Variants in GGT5 observed in about 807,000 individuals in gnomAD.
The protein encoded by GGT5 is gamma-glutamyltransferase 5, also known as glutathione hydrolase 5 proenzyme.
Under a neutral mutation model 58.1 loss-of-function variants are expected in GGT5, and 50 were observed. That is an observed-to-expected ratio of 0.86 (90% CI 0.69 to 1.09). GGT5 has a LOEUF of 1.09. GGT5 is among the 50% of genes least tolerant of loss of function. GGT5 has a pLI of 0.00. For synonymous variants in GGT5, 370 were observed against 346.1 expected, an observed-to-expected ratio of 1.07 and a Z score of -0.77; for missense variants, 800 against 789.4, an observed-to-expected ratio of 1.01 and a Z score of -0.16.
At chr22:24,222,052 A>G (rs1165372367) in intron 11 of GGT5, among the ~76,000 whole-genome samples, 1 of 151,944 alleles carries the variant, frequency 6.6e-6, no homozygotes, top group African/African-American at 2.4e-5. Context: ...GGTGGCACAC[A>G]CTTGTAATCC....
intron 1 of GGT5, among the ~76,000 whole-genome samples, chr22:24,236,389 C>T (rs5760270): frequency 0.12 from 18,811 of 152,176 alleles, 1,385 homozygotes; most frequent in East Asian, 0.26. Flanking sequence ...GTCCAAGCCA[C>T]CAACCTCTCT....
At chr22:24,242,398 A>T (rs1287312862) in intron 1 of GGT5, 2 of 152,060 alleles carry the variant, frequency 1.3e-5, no homozygotes, top group Non-Finnish European at 2.9e-5. Context: ...AGAGTTGGAG[A>T]CCATCCTGGC....
intron 6 of GGT5, 56 bp from the exon 7 acceptor site, chr22:24,226,823 T>C: frequency 6.8e-7 from 1 of 1,478,048 alleles, no homozygotes; most frequent in Non-Finnish European, 9.4e-7. Flanking sequence ...ATGGGTTGAA[T>C]GTTGCCCCCA....
At chr22:24,232,234 T>A (rs1279548345) in intron 4 of GGT5, 26 bp from the exon 5 acceptor site, 7 of 961,514 alleles carry the variant, frequency 7.3e-6, no homozygotes, top group African/African-American at 1.7e-5. Context: ...AGCCTCAGGG[T>A]GGGGCCAGGT....
intron 6 of GGT5, among the ~76,000 whole-genome samples, chr22:24,229,480 A>T (rs1412615871): frequency 1.3e-5 from 2 of 151,956 alleles, no homozygotes; most frequent in African/African-American, 4.8e-5. Context: ...GGGATAAAAG[A>T]CTACACACTA....
At chr22:24,223,137 C>T (rs570274225) in intron 11 of GGT5, among the ~76,000 whole-genome samples, 44 of 151,228 alleles carry the variant, frequency 2.9e-4, no homozygotes, top group Non-Finnish European at 5.6e-4. Flanking sequence ...CACAGTGGCT[C>T]ATGCCTATAA....
rs1195065112 is a variant in GGT5, at chr22:24,238,777, AT to A, written c.174-4774del. 5.3e-3 allele frequency among the ~76,000 whole-genome samples: 157 copies of A among 29,520 alleles called. 11 individuals are homozygous for A. The highest frequency in any genetic ancestry group is 0.015 in the Admixed American group (19 of 1,250). The allele number at this position is 29,520 out of a possible 152,430, so 19.4% of individuals were successfully genotyped here. A position where few individuals can be genotyped will look rare whatever the true frequency, so the allele number is the denominator to read the frequency against. On this transcript the variant is annotated intron_variant, in intron 1 of 11. Coordinates refer to ENST00000327365, the MANE Select transcript of GGT5 (RefSeq NM_004121.5). ...ATATATGGAATATATATATATATAT[AT>A]AATATATATTATATATTTATATATA...
chr22:24,244,650 C>A lies in GGT5; in HGVS notation c.76G>T (p.Ala26Ser), dbSNP rs753032144. ...GCCTGGTGTCGAGAGAGGACCACAG[C>A]CAGCACAATGACAGCCAGCGCCAGC... The part of the protein sequence containing the change: ...LGLALAVIVL[A>S]VVLSRHQAPC... Residue 26 changes from alanine (A) to serine (S), a missense_variant, in exon 1 of 12, where the codon GCT (alanine) becomes TCT (serine). By Grantham distance (99) the Ala-to-Ser change is moderately conservative. Transcript: ENST00000327365. 4.3e-6 allele frequency: 7 copies of A among 1,612,780 alleles called. No individual in the cohort carries two copies. The East Asian group carries it at 1.3e-4, about 31-fold the overall frequency.
chr22:24,225,753 C>G (rs1014620904), intron 8 of GGT5, 101 bp from the exon 9 acceptor site: 31 of 765,206 alleles, frequency 4.1e-5, no homozygotes, highest in Non-Finnish European at 6.5e-5. Context: ...TTTACAGCTG[C>G]CCCGAAGCAT....
intron 1 of GGT5, among the ~76,000 whole-genome samples, chr22:24,238,784 AT>A (rs1569371154): frequency 3.8e-3 from 79 of 20,574 alleles, no homozygotes; most frequent in Non-Finnish European, 5.1e-3. Flanking sequence ...TATATAATAT[AT>A]ATTATATATT....
chr22:24,231,059 G>A (rs372239217), intron 6 of GGT5, among the ~76,000 whole-genome samples: 3 of 151,752 alleles, frequency 2.0e-5, no homozygotes, highest in African/African-American at 2.4e-5. Context: ...CCAGGTGCAC[G>A]CCCCTGACAG....
Position 24,226,656 on chromosome 22 carries a change from TC to T in GGT5, c.1012del (p.Asp338ThrfsTer109). ...FAKGQRWRLGDPRSHPKLQNA... is the reference protein window; with the variant it reads ...FAKGQRWRLGXPRSHPKLQNA... Reference sequence around the variant, plus strand: ...CTGGAGCTTCGGGTGGCTTCGAGGGTCCCCCAGCCTCCACCTCTGCCCCTTG... The same window carrying T: ...CTGGAGCTTCGGGTGGCTTCGAGGGTCCCCAGCCTCCACCTCTGCCCCTTG... On this transcript the variant is annotated frameshift_variant, in exon 7 of 12. Coordinates refer to ENST00000327365, the MANE Select transcript of GGT5 (RefSeq NM_004121.5). LOFTEE classifies it high-confidence loss of function. 1 of 1,613,816 alleles carries T rather than the reference TC, an allele frequency of 6.2e-7. No homozygotes were observed. Among genetic ancestry groups the T allele is most frequent in the Non-Finnish European group, 8.5e-7 (1 of 1,179,860 alleles).
At chr22:24,241,157 C>CGG (rs1491554724) in intron 1 of GGT5, 1 of 73,412 alleles carries the variant, frequency 1.4e-5, no homozygotes, top group African/African-American at 4.9e-5. Context: ...AACTCCATCT[C>CGG]AAAAAAAAAA....
chr22:24,226,840 A>G lies in GGT5; in HGVS notation c.902-73T>C, dbSNP rs550815577. On this transcript the variant is annotated intron_variant, in intron 6 of 11. Transcript: ENST00000327365. ...GGGTTGAATGTTGCCCCCACCCCCC[A>G]CCACAGAAAGATCCACCCACATCCT... The G allele has an allele frequency of 2.3e-6, 3 of 1,294,960 alleles. No individual in the cohort carries two copies. The East Asian group carries it at 7.0e-5, about 30-fold the overall frequency. 80.2% of individuals were successfully genotyped at this position (1,294,960 alleles called of 1,614,324 possible). A position where few individuals can be genotyped will look rare whatever the true frequency, so the allele number is the denominator to read the frequency against.
intron 3 of GGT5, 33 bp from the exon 4 acceptor site, chr22:24,233,051 G>A: frequency 2.1e-6 from 3 of 1,425,094 alleles, no homozygotes; most frequent in Non-Finnish European, 2.8e-6. Context: ...CAACCCTGTG[G>A]CTTCCAGGCC....
chr22:24,241,197 T>G (rs2048318690), intron 1 of GGT5: 2 of 151,324 alleles, frequency 1.3e-5, no homozygotes, highest in African/African-American at 2.4e-5. Context: ...TACTAGCTAG[T>G]TTCAGTATTA....
At chr22:24,223,031 A>C (rs973410677) in intron 11 of GGT5, among the ~76,000 whole-genome samples, 1 of 152,056 alleles carries the variant, frequency 6.6e-6, no homozygotes, top group Non-Finnish European at 1.5e-5. Context: ...CAGAGCTTGC[A>C]GTGAGCCAAG....
chr22:24,233,457 G>A (rs992155655), intron 3 of GGT5, 41 bp downstream of exon 3: 5 of 1,162,738 alleles, frequency 4.3e-6, no homozygotes, highest in Non-Finnish European at 6.3e-6. Flanking sequence ...TAGTCCTAGT[G>A]GCCTGGGGGG....
rs1212520359 is a variant in GGT5 at position 24,238,914 on chromosome 22, AT to A, written c.174-4911del. Among the ~76,000 whole-genome samples, 102 of 16,564 alleles carry A rather than the reference AT, an allele frequency of 6.2e-3. 8 individuals carry two copies. Among genetic ancestry groups the A allele is most frequent in the African/African-American group, 0.037 (96 of 2,586 alleles). The allele number at this position is 16,564 out of a possible 152,430, so 10.9% of individuals were successfully genotyped here. On this transcript the variant is annotated intron_variant, in intron 1 of 11. Transcript: ENST00000327365. ...TTTTATATATATATATATTATATAT[AT>A]TATATATATAATATATATTATATAA...
Sources: gnomAD v4.1 joint callset for allele counts (sites outside exome capture counted in the v4.1 genomes callset) on GRCh38, gnomAD v4.1.1 for gene constraint, MANE v1.5 for transcripts, NCBI Gene and HGNC (gene_info 2026-07-23, HGNC 2026-07-21) for gene names.